BAZ2B: variants seen among roughly 807,000 people sequenced by gnomAD.
The protein encoded by BAZ2B is bromodomain adjacent to zinc finger domain 2B.
Under a neutral mutation model 246.0 loss-of-function variants are expected in BAZ2B, and 91 were observed. The ratio of observed to expected loss-of-function variants is 0.37; its 90% CI spans 0.31 to 0.44. The LOEUF is 0.44. Among genes scored for constraint, BAZ2B ranks in the 20% least tolerant of loss-of-function variants. BAZ2B has a pLI of 1.00. For missense variants in BAZ2B, 2,332 were observed against 2,533.7 expected (o/e 0.92, Z 1.71); for synonymous variants, 855 against 860.0 (o/e 0.99, Z 0.10).
chr2:159,375,002 G>A (rs2061270186), intron 25 of BAZ2B, among the ~76,000 whole-genome samples: 1 of 152,078 alleles, frequency 6.6e-6, no homozygotes, highest in African/African-American at 2.4e-5. Context: ...GATCATTTGA[G>A]GCCAGGAATT....
the BAZ2B span, among the ~76,000 whole-genome samples, chr2:159,701,742 A>AT: frequency 4.7e-5 from 7 of 149,106 alleles, no homozygotes; most frequent in Non-Finnish European, 7.4e-5. Context: ...TTATATATAT[A>AT]TTTTGAAACA....
At chr2:159,345,494 ACTTAT>A (rs1210961308) in intron 31 of BAZ2B, among the ~76,000 whole-genome samples, 2 of 152,212 alleles carry the variant, frequency 1.3e-5, no homozygotes, top group Non-Finnish European at 2.9e-5. Context: ...AGCAAATTCT[ACTTAT>A]CTTAGCTACT....
intron 3 of BAZ2B, among the ~76,000 whole-genome samples, chr2:159,456,989 T>C (rs2075854755): frequency 6.6e-6 from 1 of 152,206 alleles, no homozygotes; most frequent in African/African-American, 2.4e-5. Context: ...GTGATATTTT[T>C]AAAAAAGTAA....
Position 159,332,637 on chromosome 2 carries a change from C to T in BAZ2B, c.5846G>A (p.Cys1949Tyr). 1 of 1,614,004 alleles carries T rather than the reference C, an allele frequency of 6.2e-7. No homozygotes were observed. The highest frequency in any genetic ancestry group is 8.5e-7 in the Non-Finnish European group (1 of 1,179,938). The change falls in exon 34 of 37, where the codon TGT becomes TAT. Residue 1949 changes from cysteine to tyrosine, a missense_variant. Transcript: ENST00000392783. ...KGDNEELLLL[C>Y]DGCDKGCHTY... ...ATGACAGCCTTTGTCACAGCCATCACAAAGAAGAAGCAGTTCTTCATTATC... is the reference window on the plus strand; with the variant it reads ...ATGACAGCCTTTGTCACAGCCATCATAAAGAAGAAGCAGTTCTTCATTATC...
chr2:159,558,867 T>C (rs1383688895), intron 1 of BAZ2B, among the ~76,000 whole-genome samples: 4 of 152,172 alleles, frequency 2.6e-5, no homozygotes, highest in Non-Finnish European at 4.4e-5. Flanking sequence ...AGTGTTAAGA[T>C]GGGTAAAAGA....
Position 159,517,871 on chromosome 2 carries a change from A to T in BAZ2B, c.-3+37952T>A, listed in dbSNP as rs1003467712. ...ATCACTAATCACCACCTTTACTACA[A>T]TGACACATGAAATAGCAAGTTTTCA... On this transcript the variant is annotated intron_variant, in intron 2 of 36. Coordinates refer to ENST00000392783, the MANE Select transcript of BAZ2B (RefSeq NM_013450.4). 1.6e-4 allele frequency among the ~76,000 whole-genome samples: 25 copies of T among 152,192 alleles called. 1 individual carries two copies. The highest frequency in any genetic ancestry group is 3.1e-4 in the Non-Finnish European group (21 of 68,012).
chr2:159,583,610 T>C (rs1412945617), intron 1 of BAZ2B, among the ~76,000 whole-genome samples: 12 of 152,144 alleles, frequency 7.9e-5, no homozygotes, highest in African/African-American at 2.9e-4. Flanking sequence ...GTGCCTACTG[T>C]GTACCAGATA....
intron 13 of BAZ2B, among the ~76,000 whole-genome samples, chr2:159,415,332 C>G (rs551460322): frequency 6.6e-6 from 1 of 150,870 alleles, no homozygotes; most frequent in African/African-American, 2.4e-5. Flanking sequence ...GTAGTCCCAG[C>G]TACTTGGGAG....
chr2:159,595,866 T>C (rs1183625940), intron 1 of BAZ2B, among the ~76,000 whole-genome samples: 1 of 152,262 alleles, frequency 6.6e-6, no homozygotes, highest in Non-Finnish European at 1.5e-5. Flanking sequence ...CCAATCCAGC[T>C]ATTTCTGTAC....
At position 159,614,759 on chromosome 2, in the gene BAZ2B, A is replaced by T. The variant is rs75171184; in HGVS notation, c.-46+1483T>A. Among the ~76,000 whole-genome samples the T allele has an allele frequency of 7.1e-3, 1,078 of 152,316 alleles. 5 individuals carry two copies. Among genetic ancestry groups the T allele is most frequent in the Non-Finnish European group, 0.011 (750 of 68,020 alleles). ...TTCGTATACTGATTTTGAGAGCAAA[A>T]CACAAAAATAAGCCACACAACTTAT... is the stretch of plus-strand genomic sequence containing the variant. On this transcript the variant is annotated intron_variant, in intron 1 of 36. Coordinates refer to ENST00000392783, the MANE Select transcript of BAZ2B (RefSeq NM_013450.4).
intron 1 of BAZ2B, among the ~76,000 whole-genome samples, chr2:159,578,005 A>G (rs1230443687): frequency 6.6e-6 from 1 of 152,206 alleles, no homozygotes; most frequent in East Asian, 1.9e-4. Flanking sequence ...ACCTACCAAG[A>G]TATCACCTGC....
intron 13 of BAZ2B, among the ~76,000 whole-genome samples, chr2:159,422,191 G>C (rs2068887685): frequency 6.6e-6 from 1 of 152,152 alleles, no homozygotes; most frequent in Non-Finnish European, 1.5e-5. Context: ...CAGATTCAAT[G>C]CTTATTCCTA....
chr2:159,455,226 G>A (rs1007502083), intron 3 of BAZ2B, among the ~76,000 whole-genome samples: 3 of 151,490 alleles, frequency 2.0e-5, no homozygotes, highest in South Asian at 4.1e-4. Context: ...TTATTATTTA[G>A]TTATCAACCA....
downstream of BAZ2B, among the ~76,000 whole-genome samples, chr2:159,317,259 T>A (rs2062220822): frequency 6.6e-6 from 1 of 152,080 alleles, no homozygotes; most frequent in Non-Finnish European, 1.5e-5. Context: ...CCTTAAAGAA[T>A]ATGGGGATTG....
chr2:159,593,258 G>A (rs1166397738), intron 1 of BAZ2B, among the ~76,000 whole-genome samples: 1 of 152,040 alleles, frequency 6.6e-6, no homozygotes, highest in East Asian at 1.9e-4. Flanking sequence ...TGCAAACTTT[G>A]ACCAAATCTC....
chr2:159,694,325 T>A, the BAZ2B span: 1 of 152,302 alleles, frequency 6.6e-6, no homozygotes, highest in Non-Finnish European at 1.5e-5. Flanking sequence ...GCCACCAGCC[T>A]GTAGTATTAT....
At chr2:159,644,269 G>C in the BAZ2B span, among the ~76,000 whole-genome samples, 2 of 152,286 alleles carry the variant, frequency 1.3e-5, no homozygotes, top group African/African-American at 2.4e-5. Context: ...ATTCCAAAAG[G>C]GGGAAGTAGG....
At chr2:159,498,440 T>G (rs1238329914) in intron 2 of BAZ2B, among the ~76,000 whole-genome samples, 1 of 152,216 alleles carries the variant, frequency 6.6e-6, no homozygotes, top group Non-Finnish European at 1.5e-5. Context: ...CTTTCAAAAA[T>G]GCCATCTTTA....
chr2:159,546,552 C>T (rs2087383195), intron 2 of BAZ2B, among the ~76,000 whole-genome samples: 1 of 149,866 alleles, frequency 6.7e-6, no homozygotes, highest in Non-Finnish European at 1.5e-5. Context: ...ACTTTTAGTT[C>T]ACTCTGATGT....
Sources: allele counts gnomAD v4.1 joint callset (sites outside exome capture counted in the v4.1 genomes callset), GRCh38; gene constraint gnomAD v4.1.1; transcripts MANE v1.5; gene names NCBI Gene and HGNC (gene_info 2026-07-23, HGNC 2026-07-21).